Variants in OGDH observed in about 807,000 individuals in gnomAD.
OGDH encodes the protein 2-oxoglutarate dehydrogenase complex component E1.
Under a neutral mutation model 116.6 loss-of-function variants are expected in OGDH, and 38 were observed. The ratio of observed to expected loss-of-function variants is 0.33; its 90% CI spans 0.25 to 0.43. OGDH has a LOEUF of 0.43. Among genes scored for constraint, OGDH ranks in the 20% least tolerant of loss-of-function variants. The pLI, the probability that OGDH is intolerant of heterozygous loss-of-function variation, is 1.00. For missense variants in OGDH, 825 were observed against 1,357.2 expected (o/e 0.61, Z 6.16); for synonymous variants, 488 against 533.3 (o/e 0.92, Z 1.17).
chr7:44,704,843 T>C lies in OGDH; in HGVS notation c.2633-2382T>C, dbSNP rs190116816. ...CTCCTGCCTCAGCCTCCCAAGTAGC[T>C]GGGATTACAGGCGCACGCCACCATG... On this transcript the variant is annotated intron_variant, in intron 20 of 22. Coordinates refer to ENST00000222673, the MANE Select transcript of OGDH (RefSeq NM_002541.4). 5.9e-3 allele frequency among the ~76,000 whole-genome samples: 898 copies of C among 151,750 alleles called. 5 individuals are homozygous for C. The highest frequency in any genetic ancestry group is 7.6e-3 in the Non-Finnish European group (517 of 67,932).
chr7:44,633,184 C>T (rs956068962), intron 2 of OGDH, among the ~76,000 whole-genome samples: 11 of 136,588 alleles, frequency 8.1e-5, no homozygotes, highest in African/African-American at 1.6e-4. Context: ...ACCTGGGAGG[C>T]GGAGCTTTTA....
chr7:44,706,914 G>A (rs1035824049), intron 20 of OGDH, among the ~76,000 whole-genome samples: 1 of 152,120 alleles, frequency 6.6e-6, no homozygotes, highest in Non-Finnish European at 1.5e-5. Flanking sequence ...GTGAGCCACC[G>A]CACCCGGCCG....
At chr7:44,640,063 A>C (rs1785860693) in intron 2 of OGDH, among the ~76,000 whole-genome samples, 1 of 152,192 alleles carries the variant, frequency 6.6e-6, no homozygotes, top group East Asian at 1.9e-4. Context: ...CCTAGGCTGG[A>C]AGGAGTCCTG....
intron 4 of OGDH, among the ~76,000 whole-genome samples, chr7:44,657,750 T>G (rs554050995): frequency 3.3e-5 from 5 of 152,332 alleles, no homozygotes; most frequent in African/African-American, 1.2e-4. Context: ...TTTCTAAAGG[T>G]TTTATAGTTT....
intron 20 of OGDH, among the ~76,000 whole-genome samples, chr7:44,706,923 C>T (rs1422112711): frequency 6.6e-6 from 1 of 152,112 alleles, no homozygotes; most frequent in Non-Finnish European, 1.5e-5. Context: ...CGCACCCGGC[C>T]GGGATGTTTT....
chr7:44,621,691 A>C (rs1386412046), intron 1 of OGDH, among the ~76,000 whole-genome samples: 1 of 152,012 alleles, frequency 6.6e-6, no homozygotes, highest in Non-Finnish European at 1.5e-5. Flanking sequence ...GGCCAACATA[A>C]TGAAACCCTG....
intron 10 of OGDH, among the ~76,000 whole-genome samples, chr7:44,687,464 G>A (rs1009414001): frequency 6.7e-6 from 1 of 149,970 alleles, no homozygotes; most frequent in Non-Finnish European, 1.5e-5. Flanking sequence ...TGCCCAGGCT[G>A]GGGTGCAGGG....
chr7:44,645,463 T>C lies in OGDH; in HGVS notation c.359T>C (p.Val120Ala). The change falls in exon 3 of 23, where the codon GTG becomes GCG. Residue 120 changes from valine (V) to alanine (A), a missense_variant. Transcript: ENST00000222673. ...AQSLVEAQPN[V>A]DKLVEDHLAV... ...TCCCTGGTAGAAGCACAGCCCAACGTGGACAAGCTCGTGGAGGACCACCTG... is the reference window on the plus strand; with the variant it reads ...TCCCTGGTAGAAGCACAGCCCAACGCGGACAAGCTCGTGGAGGACCACCTG... 1 of 1,614,148 alleles carries C rather than the reference T, an allele frequency of 6.2e-7. No homozygotes were observed. Among genetic ancestry groups the C allele is most frequent in the East Asian group, 2.2e-5 (1 of 44,870 alleles).
At chr7:44,620,511 GTA>G (rs1784969750) in intron 1 of OGDH, among the ~76,000 whole-genome samples, 1 of 152,192 alleles carries the variant, frequency 6.6e-6, no homozygotes, top group Admixed American at 6.5e-5. Flanking sequence ...AATTTTGTTT[GTA>G]TATGTCTATG....
intron 4 of OGDH, among the ~76,000 whole-genome samples, chr7:44,650,739 G>A (rs772538987): frequency 1.3e-5 from 2 of 152,196 alleles, no homozygotes; most frequent in African/African-American, 4.8e-5. Flanking sequence ...TATGGGGGAT[G>A]TTTGGGGCCC....
Position 44,693,914 on chromosome 7 carries a change from G to A in OGDH, c.1425G>A (p.Val475=), listed in dbSNP as rs776339103. Residue 475 remains valine (V), a synonymous_variant, in exon 11 of 23, where the codon GTG becomes GTA. Transcript: ENST00000222673. ...TGGTGAATGCCCCCATTTTCCACGT[G>A]AACTCAGATGACCCCGAGGCTGTCA... The part of the protein sequence containing the change: ...ARVVNAPIFH[V]NSDDPEAVMY... 1 of 1,614,140 alleles carries A rather than the reference G, an allele frequency of 6.2e-7. No homozygotes were observed. Among genetic ancestry groups the A allele is most frequent in the Admixed American group, 1.7e-5 (1 of 60,010 alleles).
intron 1 of OGDH, among the ~76,000 whole-genome samples, chr7:44,610,125 C>T (rs2117203934): frequency 6.6e-6 from 1 of 152,146 alleles, no homozygotes; most frequent in South Asian, 2.1e-4. Flanking sequence ...CCTGTATACT[C>T]TCGGGTGAAA....
At chr7:44,624,272 T>C in intron 1 of OGDH, 45 bp from the exon 2 acceptor site, 1 of 1,392,220 alleles carries the variant, frequency 7.2e-7, no homozygotes, top group South Asian at 1.2e-5. Context: ...AATACTCATT[T>C]TTAAAACCTT....
chr7:44,675,496 G>A (rs1324741423), intron 8 of OGDH, among the ~76,000 whole-genome samples: 1 of 152,170 alleles, frequency 6.6e-6, no homozygotes. Context: ...GTCCCCTCTG[G>A]CTGAGGGACG....
intron 20 of OGDH, 47 bp downstream of exon 20, chr7:44,701,662 G>C (rs1038937462): frequency 1.4e-5 from 22 of 1,527,848 alleles, no homozygotes; most frequent in Non-Finnish European, 1.9e-5. Flanking sequence ...GCTATGTTTG[G>C]GGCTTCTTTG....
chr7:44,699,181 C>A (rs1202768185), intron 18 of OGDH, among the ~76,000 whole-genome samples: 3 of 149,044 alleles, frequency 2.0e-5, no homozygotes, highest in Non-Finnish European at 3.0e-5. Context: ...GTAAGCTCAA[C>A]ACTTTGGAGG....
intron 1 of OGDH, among the ~76,000 whole-genome samples, chr7:44,610,693 A>G (rs1784528843): frequency 2.0e-5 from 3 of 151,670 alleles, no homozygotes; most frequent in Non-Finnish European, 4.4e-5. Context: ...GGCTCACTGC[A>G]ACCTCCACCT....
intron 10 of OGDH, among the ~76,000 whole-genome samples, chr7:44,691,609 C>T (rs1217495852): frequency 2.0e-5 from 3 of 151,004 alleles, no homozygotes; most frequent in African/African-American, 4.9e-5. Flanking sequence ...CTATGTCCAA[C>T]AGCAGAAGCG....
intron 2 of OGDH, among the ~76,000 whole-genome samples, chr7:44,632,540 G>A (rs1785485704): frequency 6.6e-6 from 1 of 152,184 alleles, no homozygotes; most frequent in African/African-American, 2.4e-5. Context: ...CTGGCTTCAA[G>A]CCATCCTCCT....
Sources: allele counts gnomAD v4.1 joint callset (sites outside exome capture counted in the v4.1 genomes callset), GRCh38; gene constraint gnomAD v4.1.1; transcripts MANE v1.5; gene names NCBI Gene and HGNC (gene_info 2026-07-23, HGNC 2026-07-21).